COL6A6: variants seen among roughly 807,000 people sequenced by gnomAD.
The protein encoded by COL6A6 is collagen alpha-6(VI) chain.
COL6A6 carries 183 observed loss-of-function variants against 208.6 expected under a neutral mutation model. The ratio of observed to expected loss-of-function variants is 0.88; its 90% CI spans 0.78 to 0.99. The LOEUF is 0.99. Among genes scored for constraint, COL6A6 ranks in the 50% least tolerant of loss-of-function variants. The probability of loss-of-function intolerance (pLI) is 0.00; values close to 1 mark genes in which losing one functional copy is unlikely to be tolerated. For synonymous variants in COL6A6, 973 were observed against 1,011.8 expected, an observed-to-expected ratio of 0.96 and a Z score of 0.73; for missense variants, 2,816 against 2,815.2, an observed-to-expected ratio of 1.00 and a Z score of -0.01.
chr3:130,587,188 C>T (rs1383335516), intron 11 of COL6A6, among the ~76,000 whole-genome samples: 3 of 152,164 alleles, frequency 2.0e-5, no homozygotes, highest in Non-Finnish European at 4.4e-5. Flanking sequence ...TGCCTAGTGA[C>T]AGTAAACCTC....
At chr3:130,542,066 C>G (rs1452211888) in intron 1 of COL6A6, among the ~76,000 whole-genome samples, 2 of 150,796 alleles carry the variant, frequency 1.3e-5, no homozygotes, top group Non-Finnish European at 3.0e-5. Context: ...GTTAGCCTGG[C>G]TAAAGGCTTA....
chr3:130,663,255 A>G (rs1178198536), intron 35 of COL6A6, among the ~76,000 whole-genome samples: 1 of 152,146 alleles, frequency 6.6e-6, no homozygotes, highest in African/African-American at 2.4e-5. Context: ...TATATCCTCT[A>G]TGATTCAAAC....
In COL6A6 at chr3:130,649,285, A is replaced by G. The variant is rs372978340; in HGVS notation, c.5456A>G (p.Tyr1819Cys). 97 of 1,605,020 alleles carry G rather than the reference A, an allele frequency of 6.0e-5. 1 individual carries two copies. In the South Asian group the frequency reaches 1.0e-3, roughly 17 times the overall value. Residue 1819 changes from tyrosine to cysteine, a missense_variant, in exon 33 of 37, where the codon TAC becomes TGC. Tyr to Cys is a radical substitution (Grantham distance 194). Transcript: ENST00000358511. ...ARHLVRFSDA[Y>C]KKSQLLREIE... ...CACCTTGTGCGCTTCTCAGACGCCT[A>G]CAAGAAGAGTCAACTTCTCAGAGAA...
intron 33 of COL6A6, among the ~76,000 whole-genome samples, chr3:130,655,581 G>A (rs2065765380): frequency 6.6e-6 from 1 of 152,226 alleles, no homozygotes; most frequent in Admixed American, 6.5e-5. Context: ...AATGGGCACA[G>A]TGGACCAGGC....
chr3:130,669,955 C>T (rs1008023336), intron 36 of COL6A6, among the ~76,000 whole-genome samples: 3 of 152,214 alleles, frequency 2.0e-5, no homozygotes, highest in Non-Finnish European at 2.9e-5. Context: ...TAGGCAAATA[C>T]CTTTGGCGAT....
intron 8 of COL6A6, among the ~76,000 whole-genome samples, chr3:130,576,367 C>T (rs2063297154): frequency 6.6e-6 from 1 of 152,124 alleles, no homozygotes; most frequent in South Asian, 2.1e-4. Flanking sequence ...CAGTCTTAAA[C>T]CTTTAATAAG....
At chr3:130,521,929 C>CT (rs75394626) in intron 1 of COL6A6, among the ~76,000 whole-genome samples, 13,245 of 152,206 alleles carry the variant, frequency 0.087, 619 homozygotes, top group South Asian at 0.13. Flanking sequence ...TTAACATTGA[C>CT]TTTTTTCCCT....
intron 27 of COL6A6, among the ~76,000 whole-genome samples, chr3:130,634,961 G>C (rs1357385316): frequency 2.6e-5 from 4 of 152,108 alleles, no homozygotes; most frequent in Non-Finnish European, 5.9e-5. Context: ...AAGGCCAGGC[G>C]TGGTGGCTCA....
intron 1 of COL6A6, among the ~76,000 whole-genome samples, chr3:130,550,324 G>T (rs1415812398): frequency 6.6e-6 from 1 of 152,144 alleles, no homozygotes; most frequent in Non-Finnish European, 1.5e-5. Flanking sequence ...GTTCTGGCCA[G>T]GACTTCCAGT....
chr3:130,619,323 T>G (rs1246141030), intron 23 of COL6A6, among the ~76,000 whole-genome samples: 1 of 152,122 alleles, frequency 6.6e-6, no homozygotes, highest in Middle Eastern at 3.4e-3. Context: ...AGGAGGGAGA[T>G]TGTACCTCTC....
intron 13 of COL6A6, among the ~76,000 whole-genome samples, 175 bp downstream of exon 13, chr3:130,591,269 A>G (rs987505955): frequency 2.0e-5 from 3 of 152,176 alleles, no homozygotes; most frequent in Non-Finnish European, 4.4e-5. Flanking sequence ...TTAGTGGTTT[A>G]TTGACCTATT....
chr3:130,530,453 C>G (rs879336403), intron 1 of COL6A6, among the ~76,000 whole-genome samples: 7 of 152,286 alleles, frequency 4.6e-5, no homozygotes, highest in South Asian at 4.2e-4. Flanking sequence ...TAGTAGCTAC[C>G]TGAATTGGAT....
chr3:130,653,860 C>G (rs1269004019), intron 33 of COL6A6, among the ~76,000 whole-genome samples: 1 of 152,050 alleles, frequency 6.6e-6, no homozygotes, highest in Admixed American at 6.6e-5. Context: ...GTGCAGACCC[C>G]CTGTGGACTC....
intron 24 of COL6A6, among the ~76,000 whole-genome samples, chr3:130,625,816 T>C (rs1426588875): frequency 6.6e-6 from 1 of 152,226 alleles, no homozygotes; most frequent in African/African-American, 2.4e-5. Flanking sequence ...AAATGTACCC[T>C]ACAAATGCAA....
At chr3:130,536,337 T>C (rs1401826695) in intron 1 of COL6A6, among the ~76,000 whole-genome samples, 1 of 152,232 alleles carries the variant, frequency 6.6e-6, no homozygotes, top group African/African-American at 2.4e-5. Context: ...TTCATTTACT[T>C]GTTCATTCAA....
intron 23 of COL6A6, among the ~76,000 whole-genome samples, chr3:130,618,258 T>C (rs1243539539): frequency 6.6e-6 from 1 of 152,206 alleles, no homozygotes; most frequent in Admixed American, 6.5e-5. Context: ...TCTAATCCTC[T>C]TATTAACTGA....
At chr3:130,571,469 C>G in intron 7 of COL6A6, 76 bp downstream of exon 7, 4 of 1,073,572 alleles carry the variant, frequency 3.7e-6, no homozygotes, top group Non-Finnish European at 5.3e-6. Flanking sequence ...CAATGGCTCT[C>G]AGGAACAAGT....
At chr3:130,564,927 T>C in intron 3 of COL6A6, 67 bp from the exon 4 acceptor site, 1 of 1,561,616 alleles carries the variant, frequency 6.4e-7, no homozygotes, top group Non-Finnish European at 8.7e-7. Context: ...TCTTCATGCC[T>C]TCTAATGCTC....
chr3:130,604,544 C>T (rs558658344), intron 20 of COL6A6, among the ~76,000 whole-genome samples: 4 of 151,578 alleles, frequency 2.6e-5, no homozygotes, highest in East Asian at 1.9e-4. Flanking sequence ...AGGTGCTATG[C>T]GATCGTTTCT....
Sources: gnomAD v4.1 joint callset for allele counts (sites outside exome capture counted in the v4.1 genomes callset) on GRCh38, gnomAD v4.1.1 for gene constraint, MANE v1.5 for transcripts, NCBI Gene and HGNC (gene_info 2026-07-23, HGNC 2026-07-21) for gene names.